Variants in ATP10A observed in about 807,000 individuals in gnomAD.
The protein encoded by ATP10A is ATPase phospholipid transporting 10A (putative).
In ATP10A, 111 loss-of-function variants were observed where a neutral mutation model predicts 147.8. The observed-to-expected ratio is 0.75, with a 90% confidence interval of 0.64 to 0.88. The LOEUF (loss-of-function observed/expected upper bound fraction) is 0.88. ATP10A is among the 40% of genes least tolerant of loss of function. The pLI is 0.00. For synonymous variants in ATP10A, 875 were observed against 841.6 expected (o/e 1.04, Z -0.69); for missense variants, 1,927 against 1,959.0 (o/e 0.98, Z 0.31).
chr15:25,672,810 ACT>A (rs926109110), downstream of ATP10A, among the ~76,000 whole-genome samples: 3 of 151,808 alleles, frequency 2.0e-5, no homozygotes, highest in African/African-American at 7.3e-5. Context: ...AATGGAAAAA[ACT>A]CTTGTAGGAT....
chr15:25,787,859 A>G (rs1454133018), intron 1 of ATP10A, among the ~76,000 whole-genome samples: 3 of 151,936 alleles, frequency 2.0e-5, no homozygotes, highest in Non-Finnish European at 4.4e-5. Flanking sequence ...TGCATAGATG[A>G]GGGATGAACT....
At chr15:25,712,723 C>T (rs1188274120) in intron 10 of ATP10A, among the ~76,000 whole-genome samples, 4 of 152,064 alleles carry the variant, frequency 2.6e-5, no homozygotes, top group South Asian at 2.1e-4. Context: ...GATCTCGCCC[C>T]GCGGTGGTCA....
At chr15:25,789,231 G>C (rs1890302462) in intron 1 of ATP10A, among the ~76,000 whole-genome samples, 1 of 152,144 alleles carries the variant, frequency 6.6e-6, no homozygotes, top group South Asian at 2.1e-4. Context: ...AAAGTGCTGG[G>C]ATTACAAGAG....
At chr15:25,772,837 G>A (rs527365741) in intron 2 of ATP10A, among the ~76,000 whole-genome samples, 1 of 152,116 alleles carries the variant, frequency 6.6e-6, no homozygotes, top group African/African-American at 2.4e-5. Context: ...TTTGGGAGGC[G>A]GGGAACATAA....
chr15:25,806,682 AACGT>A (rs1176699648), intron 1 of ATP10A, among the ~76,000 whole-genome samples: 1 of 152,160 alleles, frequency 6.6e-6, no homozygotes, highest in Non-Finnish European at 1.5e-5. Context: ...TAATGCATCT[AACGT>A]ACAAAATATG....
rs1404133013 is a variant in ATP10A at position 25,718,246 on chromosome 15, C to A, written c.1517G>T (p.Gly506Val). 1.9e-6 allele frequency: 3 copies of A among 1,612,942 alleles called. No homozygotes were observed. In the East Asian group the frequency reaches 6.7e-5, roughly 36 times the overall value. The change falls in exon 8 of 21, where the codon GGC (glycine) becomes GTC (valine). Residue 506 changes from glycine to valine, a missense_variant. Physicochemically the swap from Gly to Val is moderately radical, Grantham distance 109. Coordinates refer to ENST00000555815, the MANE Select transcript of ATP10A (RefSeq NM_024490.4). ...TQSTKSHRRT[G>V]SRAEAKRASM... Reference sequence around the variant, plus strand: ...GGCCCTCTTGGCCTCGGCCCGGCTGCCCGTGCGCCGGTGGGACTTGGTGCT... The same window carrying A: ...GGCCCTCTTGGCCTCGGCCCGGCTGACCGTGCGCCGGTGGGACTTGGTGCT...
intron 1 of ATP10A, among the ~76,000 whole-genome samples, chr15:25,857,316 G>A (rs945549696): frequency 2.0e-5 from 3 of 152,060 alleles, no homozygotes; most frequent in Admixed American, 2.0e-4. Flanking sequence ...GTGTGGTGGC[G>A]TGCACCCGTG....
intron 1 of ATP10A, among the ~76,000 whole-genome samples, chr15:25,798,489 G>A (rs1033685822): frequency 1.1e-4 from 16 of 152,142 alleles, no homozygotes; most frequent in Non-Finnish European, 2.1e-4. Flanking sequence ...TAAGGGGGCC[G>A]AAGCCCAGAT....
rs1438453518 is a variant in ATP10A, at chr15:25,862,727, A to C, written c.370T>G (p.Phe124Val). ...CTGTAGTCCTCCCACAGGTCCCTGAAGGCCGTGATGGCCAGGATGAAGAGC... is the reference window on the plus strand; with the variant it reads ...CTGTAGTCCTCCCACAGGTCCCTGACGGCCGTGATGGCCAGGATGAAGAGC... ...PVLFILAITA[F>V]RDLWEDYSRH... Residue 124 changes from phenylalanine (F) to valine (V), a missense_variant, in exon 1 of 21, where the codon TTC becomes GTC. By Grantham distance (50) the Phe-to-Val change is conservative (BLOSUM62 -1). Coordinates refer to ENST00000555815, the MANE Select transcript of ATP10A (RefSeq NM_024490.4). 5 of 1,612,166 alleles carry C rather than the reference A, an allele frequency of 3.1e-6. No individual in the cohort carries two copies. The highest frequency in any genetic ancestry group is 3.4e-6 in the Non-Finnish European group (4 of 1,179,374).
chr15:25,695,637 G>A (rs1900292668), intron 13 of ATP10A, among the ~76,000 whole-genome samples: 1 of 152,026 alleles, frequency 6.6e-6, no homozygotes, highest in Non-Finnish European at 1.5e-5. Flanking sequence ...TCAAAAAAAA[G>A]AGACTGAACT....
At chr15:25,841,080 G>A (rs536474083) in intron 1 of ATP10A, among the ~76,000 whole-genome samples, 7 of 152,056 alleles carry the variant, frequency 4.6e-5, no homozygotes, top group South Asian at 2.1e-4. Context: ...ATTCTCTCTC[G>A]TCTGGAATTT....
intron 4 of ATP10A, among the ~76,000 whole-genome samples, chr15:25,726,524 C>T (rs1285015386): frequency 2.0e-5 from 3 of 151,754 alleles, no homozygotes; most frequent in Non-Finnish European, 2.9e-5. Context: ...TCACTGCAAC[C>T]TCCGTCTCTC....
intron 2 of ATP10A, among the ~76,000 whole-genome samples, chr15:25,774,945 T>C (rs1341977858): frequency 6.6e-6 from 1 of 152,228 alleles, no homozygotes; most frequent in South Asian, 2.1e-4. Context: ...AAAACAAAAA[T>C]GTCTCAGTAT....
At chr15:25,691,590 T>C in intron 15 of ATP10A, 125 bp downstream of exon 15, 1 of 924,846 alleles carries the variant, frequency 1.1e-6, no homozygotes, top group Non-Finnish European at 1.7e-6. Context: ...ATCAGCTATA[T>C]TAAGGGCAAA....
chr15:25,740,872 A>G (rs1887547607), intron 2 of ATP10A, among the ~76,000 whole-genome samples: 1 of 152,190 alleles, frequency 6.6e-6, no homozygotes, highest in South Asian at 2.1e-4. Flanking sequence ...GCTCAGGGTC[A>G]CTGCGCTGAC....
intron 19 of ATP10A, 144 bp downstream of exon 19, chr15:25,680,666 A>G (rs1019565292): frequency 1.2e-6 from 1 of 804,800 alleles, no homozygotes; most frequent in African/African-American, 1.7e-5. Flanking sequence ...GGAATGTGTC[A>G]TTGTCCTTCT....
chr15:25,779,357 G>A (rs1889781985), intron 2 of ATP10A, among the ~76,000 whole-genome samples: 1 of 152,240 alleles, frequency 6.6e-6, no homozygotes, highest in South Asian at 2.1e-4. Context: ...CCCTCTGTGT[G>A]CACAGGCTGC....
chr15:25,830,021 G>A (rs2140867342), intron 1 of ATP10A, among the ~76,000 whole-genome samples: 1 of 152,276 alleles, frequency 6.6e-6, no homozygotes, highest in African/African-American at 2.4e-5. Flanking sequence ...GTTAGGGTAA[G>A]CTAGGAGGCC....
intron 15 of ATP10A, among the ~76,000 whole-genome samples, chr15:25,688,430 C>T (rs770289704): frequency 3.9e-5 from 6 of 152,182 alleles, no homozygotes; most frequent in Non-Finnish European, 8.8e-5. Context: ...GACGTTTCCT[C>T]CATGGACAGG....
Sources: gnomAD v4.1 joint callset for allele counts (sites outside exome capture counted in the v4.1 genomes callset) on GRCh38, gnomAD v4.1.1 for gene constraint, MANE v1.5 for transcripts, NCBI Gene and HGNC (gene_info 2026-07-23, HGNC 2026-07-21) for gene names.